The following ADM2 variants were observed in gnomAD, a reference collection of about 807,000 sequenced individuals.
The protein encoded by ADM2 is adrenomedullin 2.
Under a neutral mutation model 7.1 loss-of-function variants are expected in ADM2, and 5 were observed. That is an observed-to-expected ratio of 0.71 (90% CI 0.37 to 1.49). The LOEUF (loss-of-function observed/expected upper bound fraction) is 1.49. ADM2 is among the 40% of genes most tolerant of loss of function. The pLI is 0.03. For missense variants in ADM2, 236 were observed against 211.2 expected (o/e 1.12, Z -0.73); for synonymous variants, 123 against 92.8 (o/e 1.33, Z -1.87).
In ADM2 at chr22:50,481,928, G is replaced by T. The variant is rs1442702218; in HGVS notation, c.81G>T (p.Leu27=). The change falls in exon 2 of 3, where the codon CTG becomes CTT. Residue 27 remains leucine (L), a synonymous_variant. Transcript: ENST00000395737. ...LQLPGSLSRS[L]GGDPRPVKPR... ...TCCCTGGCTCGCTGTCCCGCAGCCT[G>T]GGCGGGGACCCGCGACCCGTCAAAC... is the stretch of plus-strand genomic sequence containing the variant. The T allele has an allele frequency of 2.0e-6, 3 of 1,537,654 alleles. No individual in the cohort carries two copies. The highest frequency in any genetic ancestry group is 2.4e-5 in the South Asian group (2 of 83,730).
At position 50,482,663 on chromosome 22, in the gene ADM2, G is replaced by A. The variant is rs756951643; in HGVS notation, c.207G>A (p.Gln69=). Residue 69 remains glutamine, a synonymous_variant, in exon 3 of 3, where the codon CAG becomes CAA. Coordinates refer to ENST00000395737, the MANE Select transcript of ADM2 (RefSeq NM_001253845.2). ...AGCTTCACCGGGCCCTCCAGGCACA[G>A]AGGGGTGCCGGCCTGGCCCCTGTTA... is the stretch of plus-strand genomic sequence containing the variant. ...VWKLHRALQA[Q]RGAGLAPVMG... is the part of the protein sequence containing the mutation. 7.6e-6 allele frequency: 12 copies of A among 1,580,140 alleles called. No homozygotes were observed. Among genetic ancestry groups the A allele is most frequent in the Admixed American group, 5.3e-5 (3 of 56,722 alleles).
In ADM2 at chr22:50,482,731, C is replaced by A; in HGVS notation, c.275C>A (p.Pro92His). 5.5e-6 allele frequency: 7 copies of A among 1,281,008 alleles called. No homozygotes were observed. Among genetic ancestry groups the A allele is most frequent in the Non-Finnish European group, 6.4e-6 (6 of 944,164 alleles). 79.4% of individuals were successfully genotyped at this position (1,281,008 alleles called of 1,614,324 possible). The change falls in exon 3 of 3, where the codon CCC becomes CAC. Residue 92 changes from proline (P) to histidine (H), a missense_variant. By Grantham distance (77) the Pro-to-His change is moderately conservative. Coordinates refer to ENST00000395737, the MANE Select transcript of ADM2 (RefSeq NM_001253845.2). Reference protein sequence around the residue: ...LRDGGRQHSGPRRHSGPRRTQ... With the variant: ...LRDGGRQHSGHRRHSGPRRTQ... ...GATGGTGGCCGCCAACACTCGGGCC[C>A]CCGAAGACACTCGGGCCCCCGCAGG...
Position 50,483,252 on chromosome 22 carries a change from G to GA in ADM2, c.*350dup, listed in dbSNP as rs1569516017. On this transcript the variant is annotated 3_prime_UTR_variant, in exon 3 of 3. Coordinates refer to ENST00000395737, the MANE Select transcript of ADM2 (RefSeq NM_001253845.2). The stretch of plus-strand genomic sequence containing the variant: ...CGGGGCCATGTCTGGACGAGCAGGG[G>GA]AGAGAGGCTGAACTGGCCAGAAGTG... 1 of 524,854 alleles carries GA rather than the reference G, an allele frequency of 1.9e-6. No homozygotes were observed. The highest frequency in any genetic ancestry group is 3.7e-6 in the Non-Finnish European group (1 of 271,788). The allele number at this position is 524,854 out of a possible 1,614,324, so 32.5% of individuals were successfully genotyped here.
Position 50,485,943 on chromosome 22 carries a change from G to A in ADM2, c.*3040G>A, listed in dbSNP as rs142343857. On this transcript the variant is annotated 3_prime_UTR_variant, in exon 3 of 3. Transcript: ENST00000395737. Reference sequence around the variant, plus strand: ...ACGCCAGCTCTGCCGCGGGCACTTTGTTCTCACGGTGTCCTCCATGCCTGC... The same window carrying A: ...ACGCCAGCTCTGCCGCGGGCACTTTATTCTCACGGTGTCCTCCATGCCTGC... The A allele has an allele frequency of 9.7e-3, 1,480 of 152,478 alleles. 10 individuals are homozygous for A. Among genetic ancestry groups the A allele is most frequent in the Middle Eastern group, 0.024 (7 of 294 alleles). The allele number at this position is 152,478 out of a possible 1,614,324, so 9.4% of individuals were successfully genotyped here.
rs776703937 is a variant in ADM2 at position 50,486,130 on chromosome 22, C to T, written c.*3227C>T. On this transcript the variant is annotated 3_prime_UTR_variant, in exon 3 of 3. Transcript: ENST00000395737. ...TTCCTCGACGAGGCCTGACCCCATC[C>T]CCATCCTCGCTGGGCCCGCCGACCC... is the stretch of plus-strand genomic sequence containing the variant. 1.3e-5 allele frequency: 2 copies of T among 152,358 alleles called. No homozygotes were observed. Among genetic ancestry groups the T allele is most frequent in the Non-Finnish European group, 2.9e-5 (2 of 68,166 alleles). 9.4% of individuals were successfully genotyped at this position (152,358 alleles called of 1,614,324 possible). A position where few individuals can be genotyped will look rare whatever the true frequency, so the allele number is the denominator to read the frequency against.
chr22:50,482,323 G>A (rs565092054), intron 2 of ADM2, among the ~76,000 whole-genome samples: 3 of 152,272 alleles, frequency 2.0e-5, no homozygotes, highest in African/African-American at 4.8e-5. Context: ...CTGGGCCGCC[G>A]GGGTGCCCTT....
rs374496738 is a variant in ADM2 at position 50,482,849 on chromosome 22, C to G, written c.393C>G (p.Ala131=). 2.2e-5 allele frequency: 36 copies of G among 1,607,010 alleles called. No individual in the cohort carries two copies. Among genetic ancestry groups the G allele is most frequent in the African/African-American group, 5.3e-5 (4 of 74,896 alleles). The part of the protein sequence containing the change: ...SHRLWQLMGP[A]GRQDSAPVDP... ...GCCTGTGGCAACTCATGGGACCGGC[C>G]GGCCGGCAGGACTCAGCTCCTGTGG... The change falls in exon 3 of 3, where the codon GCC becomes GCG. Residue 131 remains alanine, a synonymous_variant. Transcript: ENST00000395737.
chr22:50,482,425 G>A, intron 2 of ADM2, 142 bp from the exon 3 acceptor site: 1 of 1,340,108 alleles, frequency 7.5e-7, no homozygotes, highest in South Asian at 1.9e-5. Flanking sequence ...GCTTCCCCTG[G>A]CCGTGCTCCA....
chr22:50,482,540 G>T (rs2068208477), intron 2 of ADM2, 27 bp from the exon 3 acceptor site: 1 of 1,448,504 alleles, frequency 6.9e-7, no homozygotes, highest in Non-Finnish European at 9.1e-7. Context: ...GAGCCATCTG[G>T]TTGACATTCT....
At chr22:50,482,044 GC>G in intron 2 of ADM2, 87 bp downstream of exon 2, 1 of 1,200,874 alleles carries the variant, frequency 8.3e-7, no homozygotes, top group African/African-American at 1.6e-5. Context: ...CTCCCTCCAC[GC>G]CTCCACCTGC....
At chr22:50,482,524 A>G in intron 2 of ADM2, 43 bp from the exon 3 acceptor site, 1 of 1,444,238 alleles carries the variant, frequency 6.9e-7, no homozygotes. Context: ...AGTTCTCCAA[A>G]AGGCTGAGCC....
intron 2 of ADM2, 98 bp from the exon 3 acceptor site, chr22:50,482,469 T>G: frequency 1.4e-6 from 2 of 1,413,320 alleles, no homozygotes; most frequent in South Asian, 1.6e-5. Context: ...GGGCTTCCCC[T>G]GGCAGTGACC....
In ADM2 at chr22:50,483,163, C is replaced by G; in HGVS notation, c.*260C>G. On this transcript the variant is annotated 3_prime_UTR_variant, in exon 3 of 3. Transcript: ENST00000395737. ...ACACAGCTGGCGGCAGCACCAGATG[C>G]TAAGCGCTTCAGAGAGGAGGTGTCT... 1.5e-6 allele frequency: 1 copy of G among 682,726 alleles called. No homozygotes were observed. The highest frequency in any genetic ancestry group is 2.9e-5 in the East Asian group (1 of 34,560). The allele number at this position is 682,726 out of a possible 1,614,324, so 42.3% of individuals were successfully genotyped here. A position where few individuals can be genotyped will look rare whatever the true frequency, so the allele number is the denominator to read the frequency against.
rs1187355697 is a variant in ADM2 at position 50,483,131 on chromosome 22, C to G, written c.*228C>G. 5 of 759,912 alleles carry G rather than the reference C, an allele frequency of 6.6e-6. No homozygotes were observed. The highest frequency in any genetic ancestry group is 1.5e-5 in the South Asian group (1 of 67,988). The allele number at this position is 759,912 out of a possible 1,614,324, so 47.1% of individuals were successfully genotyped here. ...GAAATTGTGACCCCCTGGGGGACAG[C>G]TGCCAGACACAGCTGGCGGCAGCAC... On this transcript the variant is annotated 3_prime_UTR_variant, in exon 3 of 3. Coordinates refer to ENST00000395737, the MANE Select transcript of ADM2 (RefSeq NM_001253845.2).
intron 2 of ADM2, 85 bp downstream of exon 2, chr22:50,482,042 A>G (rs1461776466): frequency 2.4e-6 from 3 of 1,241,714 alleles, no homozygotes; most frequent in Non-Finnish European, 3.3e-6. Context: ...CCCTCCCTCC[A>G]CGCCTCCACC....
At position 50,485,150 on chromosome 22, in the gene ADM2, CA is replaced by C. The variant is rs1381476848; in HGVS notation, c.*2249del. ...CGCCATTGCACTCCAGCCTGGGCAA[CA>C]AGAGCAAAATTCTGCCTCAAAAAAA... On this transcript the variant is annotated 3_prime_UTR_variant, in exon 3 of 3. Coordinates refer to ENST00000395737, the MANE Select transcript of ADM2 (RefSeq NM_001253845.2). 2 of 152,078 alleles carry C rather than the reference CA, an allele frequency of 1.3e-5. No individual in the cohort carries two copies. The highest frequency in any genetic ancestry group is 4.8e-5 in the African/African-American group (2 of 41,252). The allele number at this position is 152,078 out of a possible 1,614,324, so 9.4% of individuals were successfully genotyped here.
rs745591209 is a variant in ADM2, at chr22:50,482,735, AAGACACTCG to A, written c.280_288del (p.Arg94_Ser96del). The A allele has an allele frequency of 2.3e-6, 3 of 1,282,000 alleles. No homozygotes were observed. In the Admixed American group the frequency reaches 7.3e-5, roughly 31 times the overall value. 79.4% of individuals were successfully genotyped at this position (1,282,000 alleles called of 1,614,324 possible). ...GTGGCCGCCAACACTCGGGCCCCCG[AAGACACTCG>A]GGCCCCCGCAGGACCCAAGCCCAGC... On this transcript the variant is annotated inframe_deletion, in exon 3 of 3. Transcript: ENST00000395737.
rs897522648 is a variant in ADM2 at position 50,486,034 on chromosome 22, C to G, written c.*3131C>G. 6.6e-6 allele frequency: 1 copy of G among 152,222 alleles called. No homozygotes were observed. The highest frequency in any genetic ancestry group is 2.4e-5 in the African/African-American group (1 of 41,412). The allele number at this position is 152,222 out of a possible 1,614,324, so 9.4% of individuals were successfully genotyped here. The stretch of plus-strand genomic sequence containing the variant: ...TGGCGGTTCCGTGCCTGCTCCAACT[C>G]TCCGTGAGGCCCCTCTCCCAGAGCC... On this transcript the variant is annotated 3_prime_UTR_variant, in exon 3 of 3. Coordinates refer to ENST00000395737, the MANE Select transcript of ADM2 (RefSeq NM_001253845.2).
intron 2 of ADM2, among the ~76,000 whole-genome samples, chr22:50,482,349 C>G (rs1243032206): frequency 6.6e-6 from 1 of 152,132 alleles, no homozygotes; most frequent in African/African-American, 2.4e-5. Flanking sequence ...AAGGAGGTGC[C>G]GGTTCCCGGG....
Sources: gnomAD v4.1 joint callset for allele counts (sites outside exome capture counted in the v4.1 genomes callset) on GRCh38, gnomAD v4.1.1 for gene constraint, MANE v1.5 for transcripts, NCBI Gene and HGNC (gene_info 2026-07-23, HGNC 2026-07-21) for gene names.